GLI2: variants seen among roughly 807,000 people sequenced by gnomAD.
The protein encoded by GLI2 is transcription activator GLI2.
A neutral mutation model predicts 78.9 loss-of-function variants in GLI2; 22 were observed. The observed-to-expected ratio is 0.28, with a 90% CI of 0.20 to 0.40. The LOEUF (loss-of-function observed/expected upper bound fraction) is 0.40, where lower values mean the gene tolerates loss of function less well. Ranked by LOEUF, GLI2 falls within the 10% of genes least tolerant of loss-of-function variation. The pLI is 1.00. For synonymous variants in GLI2, 974 were observed against 963.7 expected, an observed-to-expected ratio of 1.01 and a Z score of -0.20; for missense variants, 2,097 against 2,213.2, an observed-to-expected ratio of 0.95 and a Z score of 1.05.
intron 1 of GLI2, among the ~76,000 whole-genome samples, chr2:120,787,910 A>C (rs1297798073): frequency 6.6e-6 from 1 of 152,200 alleles, no homozygotes; most frequent in Non-Finnish European, 1.5e-5. Context: ...TTTAGATGTC[A>C]GACTGTAGAG....
chr2:120,975,211 A>G, intron 9 of GLI2, 102 bp downstream of exon 9: 1 of 1,148,442 alleles, frequency 8.7e-7, no homozygotes, highest in Non-Finnish European at 1.3e-6. Flanking sequence ...GGGCTGGAGG[A>G]AGAGACCCCC....
At chr2:120,878,219 T>A (rs547662658) in intron 2 of GLI2, among the ~76,000 whole-genome samples, 1 of 152,348 alleles carries the variant, frequency 6.6e-6, no homozygotes, top group Non-Finnish European at 1.5e-5. Context: ...ATTATGTGTA[T>A]CCTCCCTCCC....
Position 120,989,265 on chromosome 2 carries a change from G to C in GLI2, c.3300G>C (p.Val1100=), listed in dbSNP as rs1487916531. ...GGATGGTGGCTGCGGACTCCAACGT[G>C]GGCCCCTCCGCCCCTATGCTGGGAG... ...QRRMVAADSN[V]GPSAPMLGGC... Residue 1100 remains valine, a synonymous_variant, in exon 14 of 14, where the codon GTG becomes GTC. Coordinates refer to ENST00000361492, the MANE Select transcript of GLI2 (RefSeq NM_001374353.1). 1.2e-6 allele frequency: 2 copies of C among 1,613,116 alleles called. No homozygotes were observed. Among genetic ancestry groups the C allele is most frequent in the Non-Finnish European group, 1.7e-6 (2 of 1,180,022 alleles).
chr2:120,834,092 G>T (rs1686493339), intron 2 of GLI2, among the ~76,000 whole-genome samples: 1 of 152,290 alleles, frequency 6.6e-6, no homozygotes, highest in South Asian at 2.1e-4. Flanking sequence ...AGCATCCTCT[G>T]CACAATGTAC....
chr2:120,947,472 T>C (rs1333401768), intron 3 of GLI2, among the ~76,000 whole-genome samples: 2 of 152,176 alleles, frequency 1.3e-5, no homozygotes, highest in Non-Finnish European at 2.9e-5. Context: ...GTGATCTCAC[T>C]GGCCCTGTGC....
chr2:120,970,266 G>A lies in GLI2; in HGVS notation c.846-127G>A, dbSNP rs1867906. ...GCTGGTTCTTGAGTGAGGAAGCCAC[G>A]GTGATGGTGGGGCTAGCAACATGCT... On this transcript the variant is annotated intron_variant, in intron 6 of 13. Coordinates refer to ENST00000361492, the MANE Select transcript of GLI2 (RefSeq NM_001374353.1). 625,729 of 647,264 alleles carry A rather than the reference G, an allele frequency of 0.97. 303,652 individuals carry two copies. Among genetic ancestry groups the A allele is most frequent in the East Asian group, 1 (36,569 of 36,572 alleles). The allele number at this position is 647,264 out of a possible 1,614,324, so 40.1% of individuals were successfully genotyped here. A position where few individuals can be genotyped will look rare whatever the true frequency, so the allele number is the denominator to read the frequency against.
Position 120,946,629 on chromosome 2 carries a change from T to C in GLI2, c.255-4614T>C, listed in dbSNP as rs142087547. ...AAATGGAAGAAGAAAGGGAGGTTGC[T>C]GCTGGGGTCAGCCTGAAGTGGTGGT... On this transcript the variant is annotated intron_variant, in intron 3 of 13. Transcript: ENST00000361492. 7.3e-3 allele frequency among the ~76,000 whole-genome samples: 1,109 copies of C among 152,320 alleles called. 15 individuals are homozygous for C. Among genetic ancestry groups the C allele is most frequent in the African/African-American group, 0.026 (1,065 of 41,582 alleles).
intron 2 of GLI2, among the ~76,000 whole-genome samples, chr2:120,871,274 A>C (rs1200749386): frequency 6.6e-6 from 1 of 150,974 alleles, no homozygotes; most frequent in Non-Finnish European, 1.5e-5. Context: ...TTCCTTCTCA[A>C]AGATAGGGCT....
intron 2 of GLI2, among the ~76,000 whole-genome samples, chr2:120,887,289 CT>C (rs949083078): frequency 6.6e-6 from 1 of 152,220 alleles, no homozygotes; most frequent in African/African-American, 2.4e-5. Flanking sequence ...AAATATGCAG[CT>C]CAGGCGACCT....
chr2:120,898,216 A>ACACACAC (rs1558867030), intron 2 of GLI2, among the ~76,000 whole-genome samples: 9 of 151,076 alleles, frequency 6.0e-5, no homozygotes, highest in South Asian at 2.1e-4. Flanking sequence ...ACACACACAC[A>ACACACAC]AAATGATTGT....
intron 2 of GLI2, among the ~76,000 whole-genome samples, chr2:120,821,125 G>C (rs1472691537): frequency 6.6e-6 from 1 of 152,124 alleles, no homozygotes; most frequent in African/African-American, 2.4e-5. Context: ...TGTCTTGCGT[G>C]GGCGGCTGAG....
chr2:120,951,271 A>G lies in GLI2; in HGVS notation c.283A>G (p.Ile95Val). Residue 95 changes from isoleucine (I) to valine (V), a missense_variant, in exon 4 of 14, where the codon ATC becomes GTC. By Grantham distance (29) the Ile-to-Val change is conservative (BLOSUM62 3). Around this residue, in one of 5 missense-constraint regions of GLI2, gnomAD observed 578 missense variants for 612.0 expected, o/e 0.94. Coordinates refer to ENST00000361492, the MANE Select transcript of GLI2 (RefSeq NM_001374353.1). ...GPPALSGSPV[I>V]SDISLIRLSP... is the part of the protein sequence containing the mutation. ...CCCTGCCCTCAGCGGCAGCCCTGTCATCTCTGACATCTCCTTGATCCGGCT... is the reference window on the plus strand; with the variant it reads ...CCCTGCCCTCAGCGGCAGCCCTGTCGTCTCTGACATCTCCTTGATCCGGCT... 1.2e-6 allele frequency: 2 copies of G among 1,612,304 alleles called. No individual in the cohort carries two copies. Among genetic ancestry groups the G allele is most frequent in the Non-Finnish European group, 1.7e-6 (2 of 1,178,636 alleles).
Position 120,982,841 on chromosome 2 carries a change from G to A in GLI2, c.1593G>A (p.Ser531=), listed in dbSNP as rs200300186. The A allele has an allele frequency of 2.2e-5, 36 of 1,614,116 alleles. No individual in the cohort carries two copies. Among genetic ancestry groups the A allele is most frequent in the East Asian group, 1.8e-4 (8 of 44,878 alleles). ...EGCNKAFSNA[S]DRAKHQNRTH... ...GCAACAAAGCCTTCTCCAACGCCTC[G>A]GACCGCGCCAAGCACCAGAATCGCA... is the stretch of plus-strand genomic sequence containing the variant. Residue 531 remains serine, a synonymous_variant, in exon 11 of 14, where the codon TCG becomes TCA. Coordinates refer to ENST00000361492, the MANE Select transcript of GLI2 (RefSeq NM_001374353.1).
chr2:120,800,949 C>A lies in GLI2; in HGVS notation c.148+3481C>A, dbSNP rs1396300563. ...TCCTGCAAGCTGTCAGGGGCTGTTT[C>A]CTGGCATCTGTAAGGTATCCAGATG... is the stretch of plus-strand genomic sequence containing the variant. On this transcript the variant is annotated intron_variant, in intron 2 of 13. Transcript: ENST00000361492. This position sits in a 1 kb window ranked among gnomAD's most constrained non-coding sequence, Gnocchi z 4.1. Among the ~76,000 whole-genome samples the A allele has an allele frequency of 1.3e-5, 2 of 152,176 alleles. No homozygotes were observed. The highest frequency in any genetic ancestry group is 2.9e-5 in the Non-Finnish European group (2 of 68,018).
At position 120,913,099 on chromosome 2, in the gene GLI2, A is replaced by G. The variant is rs546197589; in HGVS notation, c.149-14262A>G. Among the ~76,000 whole-genome samples the G allele has an allele frequency of 1.8e-4, 27 of 152,380 alleles. No individual in the cohort carries two copies. The South Asian group carries it at 5.2e-3, about 29-fold the overall frequency. On this transcript the variant is annotated intron_variant, in intron 2 of 13. Coordinates refer to ENST00000361492, the MANE Select transcript of GLI2 (RefSeq NM_001374353.1). ...TGTAGGAAGCTAAGATTCAAAGGTG[A>G]GGAAGGACTGAGGTTTGGGGAGAAT...
intron 2 of GLI2, among the ~76,000 whole-genome samples, chr2:120,922,743 C>G (rs754623563): frequency 2.6e-5 from 4 of 152,176 alleles, no homozygotes; most frequent in Non-Finnish European, 2.9e-5. Flanking sequence ...CCCACTAACA[C>G]GTGTTCCCAG....
At chr2:120,981,504 A>G (rs773589166) in intron 10 of GLI2, among the ~76,000 whole-genome samples, 1 of 152,184 alleles carries the variant, frequency 6.6e-6, no homozygotes, top group African/African-American at 2.4e-5. Flanking sequence ...TTCAGGGTTC[A>G]TTGCAACAAG....
At chr2:120,762,995 A>G (rs914827793) in intron 1 of GLI2, among the ~76,000 whole-genome samples, 13 of 152,316 alleles carry the variant, frequency 8.5e-5, no homozygotes, top group Non-Finnish European at 1.9e-4. Context: ...AGAGAAGGAC[A>G]GGGCTTTCCA....
Position 120,837,286 on chromosome 2 carries a change from C to T in GLI2, c.148+39818C>T, listed in dbSNP as rs555958596. Among the ~76,000 whole-genome samples the T allele has an allele frequency of 1.1e-3, 158 of 149,722 alleles. 1 individual carries two copies. Among genetic ancestry groups the T allele is most frequent in the African/African-American group, 2.9e-3 (117 of 40,442 alleles). ...GCGGGCGCCTGTAGTCCCAGCTACT[C>T]GGGAGGCTGAGGCAGGAGAATGGCG... On this transcript the variant is annotated intron_variant, in intron 2 of 13. Coordinates refer to ENST00000361492, the MANE Select transcript of GLI2 (RefSeq NM_001374353.1).
Sources: gnomAD v4.1 joint callset for allele counts (sites outside exome capture counted in the v4.1 genomes callset) on GRCh38, gnomAD v4.1.1 for gene constraint, gnomAD v4.1.1 regional missense constraint, Gnocchi (gnomAD v3.1) non-coding constraint, MANE v1.5 for transcripts, NCBI Gene and HGNC (gene_info 2026-07-23, HGNC 2026-07-21) for gene names.